Variants in RAB6A observed in about 807,000 individuals in gnomAD.
The protein encoded by RAB6A is RAB6A, member RAS oncogene family.
RAB6A carries 8 observed loss-of-function variants against 32.3 expected under a neutral mutation model. The ratio of observed to expected loss-of-function variants is 0.25; its 90% CI spans 0.15 to 0.45. RAB6A has a LOEUF of 0.45. Among genes scored for constraint, RAB6A ranks in the 20% least tolerant of loss-of-function variants. The pLI is 1.00. For missense variants in RAB6A, 104 were observed against 249.4 expected (o/e 0.42, Z 3.93); for synonymous variants, 73 against 82.1 (o/e 0.89, Z 0.60).
At chr11:73,737,184 G>T (rs1169734103) in intron 1 of RAB6A, among the ~76,000 whole-genome samples, 1 of 152,078 alleles carries the variant, frequency 6.6e-6, no homozygotes, top group African/African-American at 2.4e-5. Context: ...AGAGGTTCAA[G>T]AAGAACTCAC....
intron 1 of RAB6A, among the ~76,000 whole-genome samples, chr11:73,754,552 G>T (rs575830208): frequency 1.8e-4 from 27 of 152,280 alleles, no homozygotes; most frequent in Middle Eastern, 3.4e-3. Context: ...AAAGAGATTT[G>T]CAAATATGTA....
intron 6 of RAB6A, among the ~76,000 whole-genome samples, chr11:73,700,051 A>G (rs1945715983): frequency 6.6e-6 from 1 of 152,194 alleles, no homozygotes; most frequent in Non-Finnish European, 1.5e-5. Context: ...TTTCAAACAA[A>G]TCTTCTTTTT....
At chr11:73,710,955 A>G (rs952570677) in intron 5 of RAB6A, among the ~76,000 whole-genome samples, 4 of 151,986 alleles carry the variant, frequency 2.6e-5, no homozygotes, top group African/African-American at 9.7e-5. Context: ...GCCCTGATTT[A>G]TAGTTTAACG....
At chr11:73,739,824 G>A (rs181201938) in intron 1 of RAB6A, among the ~76,000 whole-genome samples, 10 of 152,012 alleles carry the variant, frequency 6.6e-5, no homozygotes, top group South Asian at 2.1e-4. Flanking sequence ...TGGGAGGCCC[G>A]GGCGGGCAGA....
chr11:73,680,306 G>A (rs1945334838), intron 6 of RAB6A, among the ~76,000 whole-genome samples: 1 of 152,014 alleles, frequency 6.6e-6, no homozygotes, highest in East Asian at 1.9e-4. Flanking sequence ...CGCAGAAAAA[G>A]GACAGATCAT....
chr11:73,707,361 T>C (rs1422093215), intron 6 of RAB6A, 59 bp downstream of exon 6: 17 of 1,263,018 alleles, frequency 1.3e-5, no homozygotes, highest in African/African-American at 4.4e-5. Context: ...CACCAGAGAA[T>C]AGAATACTCA....
chr11:73,704,520 T>C (rs976629180), intron 6 of RAB6A, among the ~76,000 whole-genome samples: 3 of 143,764 alleles, frequency 2.1e-5, no homozygotes, highest in Non-Finnish European at 4.6e-5. Context: ...CCGTCTCTAC[T>C]AAAAATACAA....
chr11:73,687,882 G>C (rs567498039), intron 6 of RAB6A, among the ~76,000 whole-genome samples: 1 of 152,202 alleles, frequency 6.6e-6, no homozygotes, highest in South Asian at 2.1e-4. Context: ...AGTCACGGAT[G>C]TTACCTTGTA....
At chr11:73,698,121 T>A (rs1945683215) in intron 6 of RAB6A, among the ~76,000 whole-genome samples, 1 of 152,078 alleles carries the variant, frequency 6.6e-6, no homozygotes, top group African/African-American at 2.4e-5. Context: ...TTCAGTAGGC[T>A]GAGGTAGGAG....
intron 5 of RAB6A, among the ~76,000 whole-genome samples, chr11:73,714,229 T>TATATAC (rs79775489): frequency 3.6e-3 from 419 of 117,352 alleles, no homozygotes; most frequent in East Asian, 0.012. Flanking sequence ...TATATATATA[T>TATATAC]ACACACATAT....
intron 1 of RAB6A, among the ~76,000 whole-genome samples, chr11:73,756,777 A>C (rs1466972460): frequency 1.3e-5 from 2 of 152,092 alleles, no homozygotes; most frequent in Admixed American, 1.3e-4. Flanking sequence ...CCTGGGTTGC[A>C]GTTTTCCTGC....
chr11:73,699,100 A>C (rs1945701749), intron 6 of RAB6A, among the ~76,000 whole-genome samples: 1 of 151,868 alleles, frequency 6.6e-6, no homozygotes, highest in South Asian at 2.1e-4. Context: ...TGATTCACCC[A>C]CCTTGGCCTC....
chr11:73,723,341 T>A (rs1042235142), intron 2 of RAB6A, among the ~76,000 whole-genome samples: 1 of 151,276 alleles, frequency 6.6e-6, no homozygotes, highest in African/African-American at 2.4e-5. Context: ...TTATTTATTT[T>A]GAGAGACAGA....
At chr11:73,693,124 C>T (rs1945601735) in intron 6 of RAB6A, among the ~76,000 whole-genome samples, 1 of 151,556 alleles carries the variant, frequency 6.6e-6, no homozygotes, top group Non-Finnish European at 1.5e-5. Context: ...TCCGTCTCTA[C>T]TAAAAATACA....
chr11:73,717,147 G>C (rs770570801), intron 4 of RAB6A, among the ~76,000 whole-genome samples: 20 of 152,090 alleles, frequency 1.3e-4, no homozygotes, highest in Non-Finnish European at 1.9e-4. Flanking sequence ...TGCAAAGGAA[G>C]AAAGACTGCA....
rs1945863392 is a variant in RAB6A at position 73,707,339 on chromosome 11, A to C, written c.495+81T>G. 4 of 988,720 alleles carry C rather than the reference A, an allele frequency of 4.0e-6. No homozygotes were observed. In the Admixed American group the frequency reaches 6.1e-5, roughly 15 times the overall value. 61.2% of individuals were successfully genotyped at this position (988,720 alleles called of 1,614,324 possible). A position where few individuals can be genotyped will look rare whatever the true frequency, so the allele number is the denominator to read the frequency against. On this transcript the variant is annotated intron_variant, in intron 6 of 7. Coordinates refer to ENST00000336083, the MANE Select transcript of RAB6A (RefSeq NM_198896.2). ...GTAAGGCCTGCTCTTGCCAGGTGGA[A>C]GGAAACCTATACACCAGAGAATAGA...
At chr11:73,712,436 C>T (rs1053672949) in intron 5 of RAB6A, among the ~76,000 whole-genome samples, 1 of 152,016 alleles carries the variant, frequency 6.6e-6, no homozygotes, top group Admixed American at 6.6e-5. Context: ...CGGCAACCTC[C>T]ACCTCCTGGG....
intron 6 of RAB6A, among the ~76,000 whole-genome samples, chr11:73,690,782 A>G (rs924154968): frequency 5.3e-5 from 8 of 151,052 alleles, no homozygotes; most frequent in African/African-American, 1.9e-4. Context: ...GTGGGGTGGA[A>G]GGGTCCGGGT....
intron 1 of RAB6A, 99 bp downstream of exon 1, chr11:73,760,467 C>A: frequency 6.9e-7 from 1 of 1,444,868 alleles, no homozygotes; most frequent in Non-Finnish European, 9.3e-7. Flanking sequence ...AGCGCGGACG[C>A]GAGGCGGGCA....
Sources: allele counts gnomAD v4.1 joint callset (sites outside exome capture counted in the v4.1 genomes callset), GRCh38; gene constraint gnomAD v4.1.1; transcripts MANE v1.5; gene names NCBI Gene and HGNC (gene_info 2026-07-23, HGNC 2026-07-21).